Variants in MCC observed in about 807,000 individuals in gnomAD.
MCC encodes the protein MCC regulator of Wnt signaling pathway.
A neutral mutation model predicts 116.2 loss-of-function variants in MCC; 90 were observed. The ratio of observed to expected loss-of-function variants is 0.77; its 90% CI spans 0.65 to 0.92. The LOEUF is 0.92. Ranked by LOEUF, MCC falls within the 40% of genes least tolerant of loss-of-function variation. The pLI is 0.00. For missense variants in MCC, 1,516 were observed against 1,312.2 expected, an observed-to-expected ratio of 1.16 and a Z score of -2.40; for synonymous variants, 578 against 510.5, an observed-to-expected ratio of 1.13 and a Z score of -1.78.
At chr5:113,342,450 TA>T (rs1768040735) in intron 2 of MCC, among the ~76,000 whole-genome samples, 1 of 152,236 alleles carries the variant, frequency 6.6e-6, no homozygotes, top group Admixed American at 6.5e-5. Flanking sequence ...GTTTGTTGAT[TA>T]GAGCAGCTAG....
At chr5:113,090,591 G>A (rs1296553107) in intron 8 of MCC, among the ~76,000 whole-genome samples, 1 of 152,170 alleles carries the variant, frequency 6.6e-6, no homozygotes, top group Non-Finnish European at 1.5e-5. Flanking sequence ...GAGCACTGAT[G>A]AAAGACACAG....
chr5:113,138,961 C>T (rs1759014654), intron 5 of MCC, among the ~76,000 whole-genome samples: 1 of 152,162 alleles, frequency 6.6e-6, no homozygotes, highest in Admixed American at 6.5e-5. Context: ...CATGATTATT[C>T]ATTGTGATGA....
chr5:113,301,300 T>TA (rs758550611), intron 3 of MCC, among the ~76,000 whole-genome samples: 1 of 152,108 alleles, frequency 6.6e-6, no homozygotes, highest in Non-Finnish European at 1.5e-5. Flanking sequence ...ACCCCATCTC[T>TA]ACTAAAAATA....
intron 1 of MCC, among the ~76,000 whole-genome samples, chr5:113,465,370 A>G (rs1341890248): frequency 6.6e-6 from 1 of 152,118 alleles, no homozygotes; most frequent in Non-Finnish European, 1.5e-5. Flanking sequence ...AAATTCATAT[A>G]CACAAAAATT....
chr5:113,036,226 C>A (rs1561738605), intron 17 of MCC, among the ~76,000 whole-genome samples: 1 of 151,906 alleles, frequency 6.6e-6, no homozygotes, highest in East Asian at 1.9e-4. Flanking sequence ...TTAGTAGGGA[C>A]AGGGTTTCAC....
rs1253298472 is a variant in MCC at position 113,022,612 on chromosome 5, C to T, written c.*4690G>A. 1.3e-5 allele frequency: 2 copies of T among 152,218 alleles called. No homozygotes were observed. Among genetic ancestry groups the T allele is most frequent in the Non-Finnish European group, 2.9e-5 (2 of 68,038 alleles). The allele number at this position is 152,218 out of a possible 1,614,324, so 9.4% of individuals were successfully genotyped here. A position where few individuals can be genotyped will look rare whatever the true frequency, so the allele number is the denominator to read the frequency against. ...TCACTTGCCATTCCTGACATGAGCA[C>T]TATAAGTGAATACTATGAGTTCTAC... On this transcript the variant is annotated 3_prime_UTR_variant, in exon 19 of 19. Coordinates refer to ENST00000408903, the MANE Select transcript of MCC (RefSeq NM_001085377.2).
intron 1 of MCC, among the ~76,000 whole-genome samples, chr5:113,476,447 G>A (rs1407344388): frequency 1.3e-5 from 2 of 152,108 alleles, no homozygotes; most frequent in Non-Finnish European, 2.9e-5. Context: ...GAAAACAGAC[G>A]AGTGCTTTCA....
chr5:113,148,641 T>C (rs911029667), intron 4 of MCC, among the ~76,000 whole-genome samples: 2 of 152,218 alleles, frequency 1.3e-5, no homozygotes, highest in African/African-American at 4.8e-5. Flanking sequence ...CCAAGGCATA[T>C]AACACCAAAA....
rs7732247 is a variant in MCC at position 113,332,447 on chromosome 5, C to T, written c.627+8072G>A. On this transcript the variant is annotated intron_variant, in intron 3 of 18. Transcript: ENST00000408903. ...AGAAGAGGCCAGGGACAGTGACTTA[C>T]GCCTATAATCCCAGCACTTTGGGAG... is the stretch of plus-strand genomic sequence containing the variant. Among the ~76,000 whole-genome samples the T allele has an allele frequency of 5.3e-5, 8 of 151,048 alleles. No individual in the cohort carries two copies. The East Asian group carries it at 1.2e-3, about 22-fold the overall frequency.
chr5:113,143,229 G>A lies in MCC; in HGVS notation c.873C>T (p.Gly291=). 2 of 1,605,024 alleles carry A rather than the reference G, an allele frequency of 1.2e-6. No homozygotes were observed. Among genetic ancestry groups the A allele is most frequent in the Non-Finnish European group, 1.7e-6 (2 of 1,176,396 alleles). The change falls in exon 5 of 19, where the codon GGC becomes GGT. Residue 291 remains glycine (G), a synonymous_variant. Transcript: ENST00000408903. The part of the protein sequence containing the change: ...ELNKKIDRLQ[G]TTIREEDEYS... ...ATGGAGCCGCGTACCTGATGGTGGT[G>A]CCTTGCAGACGGTCTATCTTCTTGT...
chr5:113,230,293 C>G (rs1581282695), intron 3 of MCC, among the ~76,000 whole-genome samples: 1 of 152,208 alleles, frequency 6.6e-6, no homozygotes, highest in East Asian at 1.9e-4. Flanking sequence ...GCTAACACAT[C>G]AATGTCCTTG....
intron 17 of MCC, among the ~76,000 whole-genome samples, chr5:113,039,540 A>G (rs931736597): frequency 3.9e-5 from 6 of 152,312 alleles, no homozygotes; most frequent in Non-Finnish European, 8.8e-5. Context: ...CACAGCAGGT[A>G]GTCTTCAGAT....
chr5:113,383,335 G>A (rs184824273), intron 2 of MCC, among the ~76,000 whole-genome samples: 65 of 152,220 alleles, frequency 4.3e-4, no homozygotes, highest in Admixed American at 1.7e-3. Flanking sequence ...ATACAGCTTA[G>A]CAGAAAAAAT....
At chr5:113,034,626 T>A (rs1462602373) in intron 17 of MCC, among the ~76,000 whole-genome samples, 1 of 152,366 alleles carries the variant, frequency 6.6e-6, no homozygotes, top group East Asian at 1.9e-4. Context: ...AATTTCTTAG[T>A]AATTGCTGAT....
intron 8 of MCC, among the ~76,000 whole-genome samples, chr5:113,098,053 C>A (rs2150252338): frequency 6.6e-6 from 1 of 152,300 alleles, no homozygotes; most frequent in African/African-American, 2.4e-5. Flanking sequence ...TGAAGAATTT[C>A]TAGAAAATCT....
At chr5:113,330,187 C>G (rs1260927514) in intron 3 of MCC, among the ~76,000 whole-genome samples, 1 of 152,236 alleles carries the variant, frequency 6.6e-6, no homozygotes, top group Non-Finnish European at 1.5e-5. Flanking sequence ...CTGTACCTGA[C>G]TTTTGTCCTG....
chr5:113,332,110 T>C (rs1262443745), intron 3 of MCC, among the ~76,000 whole-genome samples: 1 of 151,782 alleles, frequency 6.6e-6, no homozygotes, highest in South Asian at 2.1e-4. Flanking sequence ...CTCATTTCTT[T>C]AGAATTTTTT....
chr5:113,298,685 C>G (rs756072577), intron 3 of MCC, among the ~76,000 whole-genome samples: 1 of 152,030 alleles, frequency 6.6e-6, no homozygotes, highest in Non-Finnish European at 1.5e-5. Flanking sequence ...TTGGAGTAGG[C>G]TTGGATAGGA....
chr5:113,178,508 A>G (rs1761452844), intron 3 of MCC, among the ~76,000 whole-genome samples: 2 of 152,324 alleles, frequency 1.3e-5, no homozygotes, highest in Non-Finnish European at 2.9e-5. Flanking sequence ...GAGAAATAAT[A>G]GAATCCCAAC....
Sources: allele counts gnomAD v4.1 joint callset (sites outside exome capture counted in the v4.1 genomes callset), GRCh38; gene constraint gnomAD v4.1.1; transcripts MANE v1.5; gene names NCBI Gene and HGNC (gene_info 2026-07-23, HGNC 2026-07-21).